NEURL1: variants seen among roughly 807,000 people sequenced by gnomAD.
NEURL1 encodes the protein neuralized E3 ubiquitin protein ligase 1.
A neutral mutation model predicts 41.2 loss-of-function variants in NEURL1; 26 were observed. The observed-to-expected ratio is 0.63, with a 90% CI of 0.46 to 0.87. The LOEUF (loss-of-function observed/expected upper bound fraction) is 0.87. Among genes scored for constraint, NEURL1 ranks in the 40% least tolerant of loss-of-function variants. The pLI is 0.00. For synonymous variants in NEURL1, 400 were observed against 402.3 expected (o/e 0.99, Z 0.07); for missense variants, 761 against 871.1 (o/e 0.87, Z 1.59).
chr10:103,533,719 G>A (rs1003083826), intron 1 of NEURL1, among the ~76,000 whole-genome samples: 1 of 152,166 alleles, frequency 6.6e-6, no homozygotes, highest in Admixed American at 6.5e-5. Context: ...TGTATTTTTA[G>A]TAGAGACGGG....
chr10:103,515,950 G>A (rs2034194822), intron 1 of NEURL1, among the ~76,000 whole-genome samples: 1 of 152,102 alleles, frequency 6.6e-6, no homozygotes, highest in African/African-American at 2.4e-5. Context: ...TGCTTTGGCC[G>A]AGTGCGGTGG....
chr10:103,499,048 C>T (rs1005583384), intron 1 of NEURL1, among the ~76,000 whole-genome samples: 2 of 152,214 alleles, frequency 1.3e-5, no homozygotes, highest in African/African-American at 4.8e-5. Flanking sequence ...TCTGGGTATA[C>T]ACCTAAGAGT....
chr10:103,573,596 G>A (rs1421008435), intron 3 of NEURL1, among the ~76,000 whole-genome samples: 2 of 152,086 alleles, frequency 1.3e-5, no homozygotes, highest in Non-Finnish European at 2.9e-5. Context: ...GAGTCCCAGC[G>A]CTTGAGTTTG....
chr10:103,576,044 G>A (rs780732549), intron 3 of NEURL1, among the ~76,000 whole-genome samples: 4 of 152,226 alleles, frequency 2.6e-5, no homozygotes, highest in South Asian at 2.1e-4. Flanking sequence ...GGCACTAAGC[G>A]GGGGCAGGTG....
chr10:103,532,018 TG>T (rs774220804), intron 1 of NEURL1, among the ~76,000 whole-genome samples: 3 of 152,254 alleles, frequency 2.0e-5, no homozygotes, highest in Non-Finnish European at 4.4e-5. Flanking sequence ...CTGCCAATTT[TG>T]GTTTCTGTTT....
In NEURL1 at chr10:103,566,234, T is replaced by G. The variant is rs1369594026; in HGVS notation, c.86-4638T>G. Among the ~76,000 whole-genome samples the G allele has an allele frequency of 1.3e-5, 2 of 152,108 alleles. No individual in the cohort carries two copies. The highest frequency in any genetic ancestry group is 2.4e-5 in the African/African-American group (1 of 41,422). On this transcript the variant is annotated intron_variant, in intron 1 of 5. Coordinates refer to ENST00000369780, the MANE Select transcript of NEURL1 (RefSeq NM_004210.5). This position sits in a 1 kb window ranked among gnomAD's most constrained non-coding sequence, Gnocchi z 4.2. ...CCTCCCAAGTAGCTGGGATTACAGG[T>G]GCGAGACACCATGCCTGGCTAATTT...
chr10:103,522,694 A>C (rs1401836513), intron 1 of NEURL1, among the ~76,000 whole-genome samples: 1 of 152,182 alleles, frequency 6.6e-6, no homozygotes, highest in Non-Finnish European at 1.5e-5. Flanking sequence ...AATGTAGGGA[A>C]TAGTAGTATA....
chr10:103,578,856 C>T (rs1021427940), intron 3 of NEURL1, among the ~76,000 whole-genome samples: 4 of 152,212 alleles, frequency 2.6e-5, no homozygotes, highest in Non-Finnish European at 5.9e-5. Context: ...CTCCCATGCC[C>T]CGTGCCAGAT....
chr10:103,515,771 T>C (rs1168085747), intron 1 of NEURL1, among the ~76,000 whole-genome samples: 1 of 152,218 alleles, frequency 6.6e-6, no homozygotes, highest in Admixed American at 6.5e-5. Flanking sequence ...TTAGATTTGC[T>C]TTTTGGAAAG....
chr10:103,555,536 G>A (rs2035133730), intron 1 of NEURL1: 4 of 803,624 alleles, frequency 5.0e-6, no homozygotes, highest in Admixed American at 6.9e-5. Flanking sequence ...CCATGGAGGG[G>A]TCTGGGGCTG....
intron 3 of NEURL1, among the ~76,000 whole-genome samples, chr10:103,574,377 A>G (rs1353982285): frequency 1.4e-5 from 2 of 143,038 alleles, no homozygotes; most frequent in East Asian, 4.0e-4. Context: ...CAGGCCCCAC[A>G]GGGAGTGTTT....
At chr10:103,568,732 C>T (rs1034285335) in intron 1 of NEURL1, among the ~76,000 whole-genome samples, 2 of 152,090 alleles carry the variant, frequency 1.3e-5, no homozygotes, top group African/African-American at 4.8e-5. Context: ...TCACCTTGTG[C>T]TCCTTGGTAA....
At chr10:103,548,058 T>C (rs1263934688) in intron 1 of NEURL1, among the ~76,000 whole-genome samples, 1 of 152,190 alleles carries the variant, frequency 6.6e-6, no homozygotes, top group East Asian at 1.9e-4. Context: ...CACTTGTGAT[T>C]GCTGGGACAA....
At chr10:103,560,851 A>C (rs545030392) in intron 1 of NEURL1, among the ~76,000 whole-genome samples, 11 of 152,332 alleles carry the variant, frequency 7.2e-5, no homozygotes, top group African/African-American at 2.4e-4. Flanking sequence ...CTGTTTCCTT[A>C]TCTGTGAAAT....
Position 103,589,591 on chromosome 10 carries a change from C to G in NEURL1, c.1417C>G (p.Leu473Val). 3 of 1,614,052 alleles carry G rather than the reference C, an allele frequency of 1.9e-6. No individual in the cohort carries two copies. The highest frequency in any genetic ancestry group is 2.5e-6 in the Non-Finnish European group (3 of 1,179,940). The stretch of plus-strand genomic sequence containing the variant: ...CTCCACGCCAACCTCGCCCAGTGCC[C>G]TGGGCAGCCGCCTGTCTGACCCCTT... ...PASTPTSPSA[L>V]GSRLSDPLLS... Residue 473 changes from leucine to valine, a missense_variant, in exon 5 of 6, where the codon CTG becomes GTG. This residue lies in a region of NEURL1 where 443 missense variants were observed against 408.1 expected (regional missense o/e 1.09). Coordinates refer to ENST00000369780, the MANE Select transcript of NEURL1 (RefSeq NM_004210.5).
intron 1 of NEURL1, among the ~76,000 whole-genome samples, chr10:103,496,164 T>C (rs1023840705): frequency 2.6e-5 from 4 of 152,034 alleles, no homozygotes; most frequent in South Asian, 2.1e-4. Context: ...CCTTGAGGAA[T>C]TGATACTAAG....
chr10:103,570,386 C>G (rs952811223), intron 1 of NEURL1, among the ~76,000 whole-genome samples: 1 of 152,144 alleles, frequency 6.6e-6, no homozygotes, highest in African/African-American at 2.4e-5. Context: ...GTGACAGCCC[C>G]GAGGACAGGA....
At position 103,558,735 on chromosome 10, in the gene NEURL1, G is replaced by A. The variant is rs1003321553; in HGVS notation, c.86-12137G>A. ...ACAGGGGCGGGAAGGGTAGTGCGAAGAGGGAGGCAGCAGTGACACTGGGAG... is the reference window on the plus strand; with the variant it reads ...ACAGGGGCGGGAAGGGTAGTGCGAAAAGGGAGGCAGCAGTGACACTGGGAG... On this transcript the variant is annotated intron_variant, in intron 1 of 5. Coordinates refer to ENST00000369780, the MANE Select transcript of NEURL1 (RefSeq NM_004210.5). This position sits in a 1 kb window ranked among gnomAD's most constrained non-coding sequence, Gnocchi z 4.2. Among the ~76,000 whole-genome samples the A allele has an allele frequency of 6.6e-6, 1 of 152,208 alleles. No homozygotes were observed. The highest frequency in any genetic ancestry group is 2.4e-5 in the African/African-American group (1 of 41,452).
intron 1 of NEURL1, among the ~76,000 whole-genome samples, chr10:103,500,330 T>A (rs552410940): frequency 6.6e-6 from 1 of 152,358 alleles, no homozygotes; most frequent in Non-Finnish European, 1.5e-5. Context: ...GGTAGCATTG[T>A]CACTGTTTTA....
Sources: gnomAD v4.1 joint callset for allele counts (sites outside exome capture counted in the v4.1 genomes callset) on GRCh38, gnomAD v4.1.1 for gene constraint, gnomAD v4.1.1 regional missense constraint, Gnocchi (gnomAD v3.1) non-coding constraint, MANE v1.5 for transcripts, NCBI Gene and HGNC (gene_info 2026-07-23, HGNC 2026-07-21) for gene names.